The following BMPER variants were observed in gnomAD, a reference collection of about 807,000 sequenced individuals.
BMPER encodes the protein BMP binding endothelial regulator.
Under a neutral mutation model 87.3 loss-of-function variants are expected in BMPER, and 45 were observed. That is an observed-to-expected ratio of 0.52 (90% CI 0.41 to 0.66). The LOEUF is 0.66. BMPER is among the 30% of genes least tolerant of loss of function. The probability of loss-of-function intolerance (pLI) is 0.00; values close to 1 mark genes in which losing one functional copy is unlikely to be tolerated. For missense variants in BMPER, 784 were observed against 867.5 expected (o/e 0.90, Z 1.21); for synonymous variants, 326 against 316.2 (o/e 1.03, Z -0.33).
At chr7:33,912,130 AAACAAAC>A (rs1783979765) in intron 2 of BMPER, among the ~76,000 whole-genome samples, 1 of 152,014 alleles carries the variant, frequency 6.6e-6, no homozygotes, top group African/African-American at 2.4e-5. Context: ...ACAAACAAAC[AAACAAAC>A]AACAACAAAA....
At chr7:34,010,313 T>C (rs1178253534) in intron 6 of BMPER, among the ~76,000 whole-genome samples, 5 of 151,970 alleles carry the variant, frequency 3.3e-5, no homozygotes, top group African/African-American at 1.2e-4. Flanking sequence ...GGTTGTGTGA[T>C]TATGTTTTTA....
chr7:34,029,557 C>A (rs1562698364), intron 6 of BMPER, among the ~76,000 whole-genome samples: 1 of 152,082 alleles, frequency 6.6e-6, no homozygotes, highest in Non-Finnish European at 1.5e-5. Context: ...CCAGTCTCAG[C>A]CTCACTTGTG....
At chr7:33,905,374 A>AAAAAAAAAAC, upstream of BMPER, 1 of 419,088 alleles carries the variant, frequency 2.4e-6, no homozygotes, top group South Asian at 2.2e-5. Flanking sequence ...AAAAAAAAAA[A>AAAAAAAAAAC]GCCGCATCGG....
chr7:34,017,780 G>A (rs1428993236), intron 6 of BMPER, among the ~76,000 whole-genome samples: 1 of 151,842 alleles, frequency 6.6e-6, no homozygotes, highest in Non-Finnish European at 1.5e-5. Flanking sequence ...TAATGCTGAG[G>A]CTGCTGGTCC....
At chr7:33,960,847 C>A (rs1420866683) in intron 3 of BMPER, among the ~76,000 whole-genome samples, 2 of 152,092 alleles carry the variant, frequency 1.3e-5, no homozygotes, top group Non-Finnish European at 1.5e-5. Context: ...GTATTTTTTA[C>A]CAATGAAATT....
chr7:34,108,532 A>G (rs555732000), intron 13 of BMPER, among the ~76,000 whole-genome samples: 260 of 152,360 alleles, frequency 1.7e-3, no homozygotes, highest in Non-Finnish European at 3.2e-3. Flanking sequence ...AGTGACATAC[A>G]GAGCATGTGG....
In BMPER at chr7:34,154,984, A is replaced by G. The variant is rs1458411195; in HGVS notation, c.*1711A>G. 6.6e-6 allele frequency: 1 copy of G among 152,076 alleles called. No individual in the cohort carries two copies. The highest frequency in any genetic ancestry group is 1.5e-5 in the Non-Finnish European group (1 of 68,034). The allele number at this position is 152,076 out of a possible 1,614,324, so 9.4% of individuals were successfully genotyped here. A position where few individuals can be genotyped will look rare whatever the true frequency, so the allele number is the denominator to read the frequency against. ...CTAAGTGTGGTTTGTGACTATCCCC[A>G]TTATTTAAGCATTTGGGGGTCTCAC... On this transcript the variant is annotated 3_prime_UTR_variant, in exon 15 of 15. Coordinates refer to ENST00000649409, the MANE Select transcript of BMPER (RefSeq NM_001365308.1).
chr7:33,935,795 T>C (rs1490118984), intron 2 of BMPER, among the ~76,000 whole-genome samples: 3 of 152,188 alleles, frequency 2.0e-5, no homozygotes, highest in Non-Finnish European at 4.4e-5. Context: ...CAGGAGAATA[T>C]TCACCACATT....
chr7:34,088,014 A>G (rs1789264530), intron 13 of BMPER, among the ~76,000 whole-genome samples: 1 of 152,252 alleles, frequency 6.6e-6, no homozygotes, highest in Admixed American at 6.5e-5. Context: ...TGGATTCCTT[A>G]GGTGGCCAGG....
At chr7:34,131,664 C>T (rs10807873) in intron 13 of BMPER, among the ~76,000 whole-genome samples, 89,832 of 151,914 alleles carry the variant, frequency 0.59, 27,028 homozygotes, top group East Asian at 0.83. Flanking sequence ...TTTTCCTCAC[C>T]GCCATTTGTG....
intron 3 of BMPER, chr7:33,939,949 C>A: frequency 3.3e-6 from 1 of 304,900 alleles, no homozygotes; most frequent in South Asian, 3.0e-5. Context: ...CCTCGTAATA[C>A]AGTGCTTGTC....
At chr7:34,093,751 G>C (rs1274569361) in intron 13 of BMPER, among the ~76,000 whole-genome samples, 2 of 152,174 alleles carry the variant, frequency 1.3e-5, no homozygotes, top group Non-Finnish European at 2.9e-5. Context: ...AATTAGAAGG[G>C]ACTTTTGAGC....
intron 6 of BMPER, among the ~76,000 whole-genome samples, chr7:34,006,728 A>C (rs1786743313): frequency 6.6e-6 from 1 of 152,072 alleles, no homozygotes; most frequent in Non-Finnish European, 1.5e-5. Flanking sequence ...TCAGTTATGG[A>C]CGTCTGTGTA....
At chr7:34,150,159 T>C (rs148694213) in intron 14 of BMPER, among the ~76,000 whole-genome samples, 318 of 152,186 alleles carry the variant, frequency 2.1e-3, no homozygotes, top group African/African-American at 7.4e-3. Flanking sequence ...AGTGCTTCAG[T>C]GGGGCTTGAG....
chr7:33,954,975 A>AAGC (rs1785115901), intron 3 of BMPER, among the ~76,000 whole-genome samples: 1 of 152,072 alleles, frequency 6.6e-6, no homozygotes, highest in Admixed American at 6.5e-5. Flanking sequence ...TTGGCTTACC[A>AAGC]CAACCTCCGC....
chr7:33,947,441 C>T (rs1784915835), intron 3 of BMPER, among the ~76,000 whole-genome samples: 1 of 151,998 alleles, frequency 6.6e-6, no homozygotes, highest in Non-Finnish European at 1.5e-5. Context: ...GGTTTATTTT[C>T]CATAACCTTT....
chr7:33,974,247 G>C (rs1197266210), intron 5 of BMPER, among the ~76,000 whole-genome samples: 1 of 152,154 alleles, frequency 6.6e-6, no homozygotes, highest in Non-Finnish European at 1.5e-5. Context: ...TGAGATTGGG[G>C]TACCTAGGAC....
At chr7:34,020,859 A>AAC (rs61345180) in intron 6 of BMPER, among the ~76,000 whole-genome samples, 5,343 of 146,758 alleles carry the variant, frequency 0.036, 93 homozygotes, top group African/African-American at 0.061. Context: ...TGAATTTCTT[A>AAC]ACACACACAC....
chr7:34,151,133 C>A (rs2127996833), intron 14 of BMPER, among the ~76,000 whole-genome samples: 1 of 152,278 alleles, frequency 6.6e-6, no homozygotes, highest in Non-Finnish European at 1.5e-5. Context: ...TTGATGTCAT[C>A]TGTAGAGAAG....
Sources: gnomAD v4.1 joint callset for allele counts (sites outside exome capture counted in the v4.1 genomes callset) on GRCh38, gnomAD v4.1.1 for gene constraint, MANE v1.5 for transcripts, NCBI Gene and HGNC (gene_info 2026-07-23, HGNC 2026-07-21) for gene names.